RBM17: variants seen among roughly 807,000 people sequenced by gnomAD.
RBM17 encodes splicing factor 45.
Under a neutral mutation model 53.2 loss-of-function variants are expected in RBM17, and 7 were observed. The observed-to-expected ratio is 0.13, with a 90% CI of 0.07 to 0.25. The LOEUF is 0.25. RBM17 is among the 10% of genes least tolerant of loss of function. RBM17 has a pLI of 1.00. For synonymous variants in RBM17, 167 were observed against 178.1 expected (o/e 0.94, Z 0.50); for missense variants, 257 against 496.7 (o/e 0.52, Z 4.59).
chr10:6,101,975 G>A (rs1480850683), intron 3 of RBM17, among the ~76,000 whole-genome samples: 1 of 152,048 alleles, frequency 6.6e-6, no homozygotes, highest in African/African-American at 2.4e-5. Context: ...AAACAAACAT[G>A]TGGTCAACTC....
At position 6,115,236 on chromosome 10, in the gene RBM17, C is replaced by T; in HGVS notation, c.1030-3C>T. On this transcript the variant is annotated splice_region_variant and splice_polypyrimidine_tract_variant and intron_variant, in intron 10 of 11. Transcript: ENST00000379888. ...TACTCATCACGCTCTCATTTTCTTCCAGATTCCTGGTGCCCCTGATGATGA... is the reference window on the plus strand; with the variant it reads ...TACTCATCACGCTCTCATTTTCTTCTAGATTCCTGGTGCCCCTGATGATGA... 1 of 1,609,890 alleles carries T rather than the reference C, an allele frequency of 6.2e-7. No individual in the cohort carries two copies. The highest frequency in any genetic ancestry group is 8.5e-7 in the Non-Finnish European group (1 of 1,178,644).
rs780966136 is a variant in RBM17, at chr10:6,101,325, G to A, written c.178G>A (p.Gly60Ser). The A allele has an allele frequency of 5.0e-6, 8 of 1,613,676 alleles. No homozygotes were observed. In the East Asian group the frequency reaches 1.8e-4, roughly 36 times the overall value. The stretch of plus-strand genomic sequence containing the variant: ...CGCCCCAGTCATTGACCTGAAGCGA[G>A]GTGGCTCCTCAGATGACCGGCAAAT... Reference protein sequence around the residue: ...VLAPVIDLKRGGSSDDRQIVD... With the variant: ...VLAPVIDLKRSGSSDDRQIVD... The change falls in exon 3 of 12, where the codon GGT (glycine) becomes AGT (serine). Residue 60 changes from glycine to serine, a missense_variant. By Grantham distance (56) the Gly-to-Ser change is moderately conservative. Coordinates refer to ENST00000379888, the MANE Select transcript of RBM17 (RefSeq NM_032905.5).
Position 6,097,350 on chromosome 10 carries a change from T to C in RBM17, c.123+162T>C, listed in dbSNP as rs539203865. On this transcript the variant is annotated intron_variant, in intron 2 of 11. Transcript: ENST00000379888. ...AATGAGGAGTTTAAGGCCACTTTGCTACTCCTGGCTCCTGGGAATAGGAAC... is the reference window on the plus strand; with the variant it reads ...AATGAGGAGTTTAAGGCCACTTTGCCACTCCTGGCTCCTGGGAATAGGAAC... Among the ~76,000 whole-genome samples, 10 of 152,322 alleles carry C rather than the reference T, an allele frequency of 6.6e-5. No homozygotes were observed. In the East Asian group the frequency reaches 1.2e-3, roughly 18 times the overall value.
At chr10:6,094,705 T>A (rs759490213) in intron 1 of RBM17, among the ~76,000 whole-genome samples, 2 of 152,190 alleles carry the variant, frequency 1.3e-5, no homozygotes, top group Non-Finnish European at 2.9e-5. Flanking sequence ...AGATTAAAAT[T>A]TAAGGGTATG....
At chr10:6,114,237 A>G (rs1397355690) in intron 10 of RBM17, 90 bp downstream of exon 10, 2 of 723,766 alleles carry the variant, frequency 2.8e-6, no homozygotes, top group Non-Finnish European at 2.4e-6. Flanking sequence ...GTATGCTATA[A>G]GTAACATTCT....
At chr10:6,100,338 C>G (rs942621276) in intron 2 of RBM17, among the ~76,000 whole-genome samples, 1 of 152,218 alleles carries the variant, frequency 6.6e-6, no homozygotes, top group African/African-American at 2.4e-5. Context: ...GTTAGACGGC[C>G]TGACGCAGTG....
intron 1 of RBM17, among the ~76,000 whole-genome samples, chr10:6,090,808 AT>A (rs1172113618): frequency 6.6e-6 from 1 of 151,734 alleles, no homozygotes; most frequent in Non-Finnish European, 1.5e-5. Flanking sequence ...AGAGGGTGGG[AT>A]TGAATGGAAA....
At position 6,112,328 on chromosome 10, in the gene RBM17, G is replaced by A; in HGVS notation, c.823G>A (p.Gly275Ser). The change falls in exon 8 of 12, where the codon GGC becomes AGC. Residue 275 changes from glycine to serine, a missense_variant. Transcript: ENST00000379888. The surrounding 1 kb of genome is among the most constrained non-coding windows in gnomAD (Gnocchi z 4.4). Reference sequence around the variant, plus strand: ...AGTGGAGAAGACCAGCAAGCGTGGCGGCAAGATCATCGTGGGCGACGCCAC... The same window carrying A: ...AGTGGAGAAGACCAGCAAGCGTGGCAGCAAGATCATCGTGGGCGACGCCAC... The part of the protein sequence containing the change: ...LSVEKTSKRG[G>S]KIIVGDATEK... 6.2e-7 allele frequency: 1 copy of A among 1,613,986 alleles called. No individual in the cohort carries two copies. Among genetic ancestry groups the A allele is most frequent in the Non-Finnish European group, 8.5e-7 (1 of 1,180,014 alleles).
intron 10 of RBM17, chr10:6,114,353 G>A (rs1056813128): frequency 1.2e-5 from 5 of 431,638 alleles, no homozygotes; most frequent in Non-Finnish European, 2.2e-5. Context: ...TGAAGAAACA[G>A]GAATGCTTCA....
intron 5 of RBM17, among the ~76,000 whole-genome samples, chr10:6,108,036 T>C (rs1026451630): frequency 2.6e-5 from 4 of 152,200 alleles, no homozygotes; most frequent in Non-Finnish European, 4.4e-5. Flanking sequence ...TTTTGGTTTG[T>C]TTGTGTTCAC....
At chr10:6,108,837 A>G in intron 6 of RBM17, 95 bp downstream of exon 6, 1 of 929,570 alleles carries the variant, frequency 1.1e-6, no homozygotes, top group Non-Finnish European at 1.7e-6. Context: ...TCCTGAGCGT[A>G]GAGGGAAACG....
intron 2 of RBM17, among the ~76,000 whole-genome samples, chr10:6,098,569 T>TTG: frequency 1.2e-5 from 1 of 85,584 alleles, no homozygotes; most frequent in African/African-American, 5.8e-5. Flanking sequence ...TTTTGTTTTT[T>TTG]TTTTTTTTTT....
At chr10:6,104,854 T>C in intron 3 of RBM17, 77 bp from the exon 4 acceptor site, 3 of 1,265,286 alleles carry the variant, frequency 2.4e-6, no homozygotes, top group Non-Finnish European at 3.4e-6. Flanking sequence ...TTATCTCCCA[T>C]ACGCTTTGAC....
intron 1 of RBM17, among the ~76,000 whole-genome samples, chr10:6,094,438 C>T (rs181690771): frequency 2.6e-5 from 4 of 152,240 alleles, no homozygotes; most frequent in Admixed American, 1.3e-4. Flanking sequence ...TTTGTGATTT[C>T]CCAGAAAGTC....
chr10:6,104,533 A>G (rs1010741765), intron 3 of RBM17, among the ~76,000 whole-genome samples: 6 of 152,192 alleles, frequency 3.9e-5, no homozygotes, highest in Non-Finnish European at 8.8e-5. Flanking sequence ...TGCAAGAATG[A>G]TTGTGGTGTT....
chr10:6,103,079 A>T (rs1409272287), intron 3 of RBM17, among the ~76,000 whole-genome samples: 8 of 152,210 alleles, frequency 5.3e-5, no homozygotes, highest in Non-Finnish European at 2.9e-5. Flanking sequence ...GGCATGAGCC[A>T]CTGCACCCGG....
chr10:6,110,165 C>G (rs1480489442), intron 7 of RBM17, 38 bp downstream of exon 7: 2 of 1,563,926 alleles, frequency 1.3e-6, no homozygotes, highest in Non-Finnish European at 1.7e-6. Flanking sequence ...ACTTGAGAGA[C>G]AGTGTGAAGC....
At chr10:6,093,968 ATT>A (rs71390121) in intron 1 of RBM17, among the ~76,000 whole-genome samples, 766 of 93,248 alleles carry the variant, frequency 8.2e-3, no homozygotes, top group Middle Eastern at 0.014. Context: ...CAAGTGTGGA[ATT>A]TTTTTTTTTT....
At chr10:6,095,710 A>T (rs1169418761) in intron 1 of RBM17, among the ~76,000 whole-genome samples, 2 of 152,162 alleles carry the variant, frequency 1.3e-5, no homozygotes, top group African/African-American at 4.8e-5. Flanking sequence ...TGGGGTGCTG[A>T]CTTCAGGCAG....
Sources: gnomAD v4.1 joint callset for allele counts (sites outside exome capture counted in the v4.1 genomes callset) on GRCh38, gnomAD v4.1.1 for gene constraint, Gnocchi (gnomAD v3.1) non-coding constraint, MANE v1.5 for transcripts, NCBI Gene and HGNC (gene_info 2026-07-23, HGNC 2026-07-21) for gene names.